Variants in ZNF709 observed in about 807,000 individuals in gnomAD.
ZNF709 encodes the protein zinc finger protein 709.
ZNF709 carries 15 observed loss-of-function variants against 10.6 expected under a neutral mutation model. The observed-to-expected ratio is 1.41, with a 90% CI of 0.95 to 2.18. The LOEUF is 2.18. Among genes scored for constraint, ZNF709 ranks in the 30% most tolerant of loss-of-function variants. The pLI, the probability that ZNF709 is intolerant of heterozygous loss-of-function variation, is 0.00. For missense variants in ZNF709, 589 were observed against 774.0 expected (o/e 0.76, Z 2.84); for synonymous variants, 194 against 238.8 (o/e 0.81, Z 1.73).
At chr19:12,473,215 G>T (rs1970649247) in intron 1 of ZNF709, among the ~76,000 whole-genome samples, 1 of 152,118 alleles carries the variant, frequency 6.6e-6, no homozygotes, top group Non-Finnish European at 1.5e-5. Flanking sequence ...AGCAAAAAAT[G>T]AACTGGAAAA....
At position 12,464,999 on chromosome 19, in the gene ZNF709, T is replaced by C. The variant is rs1970555496; in HGVS notation, c.923A>G (p.Tyr308Cys). The stretch of plus-strand genomic sequence containing the variant: ...GGCTTTCCCACATTTTTTACATTTA[T>C]AGGGTTTTTCTCCAGTGTGAATCCT... ...HERIHTGEKP[Y>C]KCKKCGKAFS... The change falls in exon 4 of 4, where the codon TAT becomes TGT. Residue 308 changes from tyrosine to cysteine, a missense_variant. Coordinates refer to ENST00000397732, the MANE Select transcript of ZNF709 (RefSeq NM_152601.4). The C allele has an allele frequency of 1.2e-6, 2 of 1,608,308 alleles. No homozygotes were observed. Among genetic ancestry groups the C allele is most frequent in the African/African-American group, 1.3e-5 (1 of 74,446 alleles).
At position 12,464,678 on chromosome 19, in the gene ZNF709, G is replaced by C. The variant is rs759457940; in HGVS notation, c.1244C>G (p.Thr415Ser). ...SSFRMHERTHTGEKPHECKQC... is the reference protein window; with the variant it reads ...SSFRMHERTHSGEKPHECKQC... ...TTTACATTCATGGGGTTTCTCTCCA[G>C]TGTGAGTTCTTTCATGCATTCGAAA... The change falls in exon 4 of 4, where the codon ACT becomes AGT. Residue 415 changes from threonine (T) to serine (S), a missense_variant. By Grantham distance (58) the Thr-to-Ser change is moderately conservative (BLOSUM62 1). Coordinates refer to ENST00000397732, the MANE Select transcript of ZNF709 (RefSeq NM_152601.4). 1 of 1,612,440 alleles carries C rather than the reference G, an allele frequency of 6.2e-7. No individual in the cohort carries two copies. The highest frequency in any genetic ancestry group is 2.2e-5 in the East Asian group (1 of 44,822).
chr19:12,481,242 T>C, intron 1 of ZNF709: 1 of 958,928 alleles, frequency 1.0e-6, no homozygotes, highest in Non-Finnish European at 1.2e-6. Flanking sequence ...TTCTTTTTTT[T>C]TGTTTTGAGA....
Position 12,461,778 on chromosome 19 carries a change from G to A in ZNF709, c.*2218C>T, listed in dbSNP as rs1230988614. The A allele has an allele frequency of 6.6e-6, 1 of 152,038 alleles. No homozygotes were observed. The highest frequency in any genetic ancestry group is 2.4e-5 in the African/African-American group (1 of 41,420). 9.4% of individuals were successfully genotyped at this position (152,038 alleles called of 1,614,324 possible). ...TGGAAAACTACATCTTTGAAAATAT[G>A]GCAGCTGGGGCCATGCACAGTGGCT... On this transcript the variant is annotated 3_prime_UTR_variant, in exon 4 of 4. Transcript: ENST00000397732.
At chr19:12,473,030 T>C (rs1970647204) in intron 1 of ZNF709, among the ~76,000 whole-genome samples, 1 of 152,170 alleles carries the variant, frequency 6.6e-6, no homozygotes, top group Non-Finnish European at 1.5e-5. Flanking sequence ...AATAGACAAA[T>C]AGTTATGCAT....
At chr19:12,477,317 A>G (rs1344072418) in intron 1 of ZNF709, among the ~76,000 whole-genome samples, 4 of 152,242 alleles carry the variant, frequency 2.6e-5, no homozygotes, top group South Asian at 2.1e-4. Context: ...TTGAGCCATC[A>G]TAACTAATTT....
At position 12,462,703 on chromosome 19, in the gene ZNF709, A is replaced by G. The variant is rs775553136; in HGVS notation, c.*1293T>C. ...AATGATATCTAGTACCTGCCACATA[A>G]GGCCAGTAGGAAATCCTAAAAATTA... On this transcript the variant is annotated 3_prime_UTR_variant, in exon 4 of 4. Transcript: ENST00000397732. 6.6e-6 allele frequency: 1 copy of G among 152,220 alleles called. No individual in the cohort carries two copies. The highest frequency in any genetic ancestry group is 1.5e-5 in the Non-Finnish European group (1 of 68,040). 9.4% of individuals were successfully genotyped at this position (152,220 alleles called of 1,614,324 possible).
In ZNF709 at chr19:12,483,328, T is replaced by TTTA. The variant is rs1555694552; in HGVS notation, c.3+1326_3+1327insTAA. On this transcript the variant is annotated intron_variant, in intron 1 of 3. Coordinates refer to ENST00000397732, the MANE Select transcript of ZNF709 (RefSeq NM_152601.4). ...GCTAATTTTTTTTTTTTTTTTTTTT[T>TTTA]TTTCTAGTAGAGATGAGGTCTCTCT... Among the ~76,000 whole-genome samples the TTTA allele has an allele frequency of 1.6e-3, 211 of 134,686 alleles. 2 individuals carry two copies. Among genetic ancestry groups the TTTA allele is most frequent in the South Asian group, 4.7e-3 (21 of 4,456 alleles). 88.4% of individuals were successfully genotyped at this position (134,686 alleles called of 152,430 possible).
intron 1 of ZNF709, among the ~76,000 whole-genome samples, chr19:12,474,850 A>G (rs1302735283): frequency 6.6e-6 from 1 of 152,226 alleles, no homozygotes; most frequent in African/African-American, 2.4e-5. Flanking sequence ...ATATTCTTAT[A>G]CATAATGGTG....
rs185767891 is a variant in ZNF709, at chr19:12,462,826, T to G, written c.*1170A>C. 1.3e-5 allele frequency: 2 copies of G among 152,326 alleles called. No individual in the cohort carries two copies. The highest frequency in any genetic ancestry group is 1.3e-4 in the Admixed American group (2 of 15,300). The allele number at this position is 152,326 out of a possible 1,614,324, so 9.4% of individuals were successfully genotyped here. On this transcript the variant is annotated 3_prime_UTR_variant, in exon 4 of 4. Transcript: ENST00000397732. ...TTATAAATACACTTCAATTCACTCA[T>G]GAATCTAACAGACTTCAATATGGAA...
intron 1 of ZNF709, among the ~76,000 whole-genome samples, chr19:12,478,041 C>T (rs1270648306): frequency 6.6e-6 from 1 of 152,146 alleles, no homozygotes; most frequent in African/African-American, 2.4e-5. Flanking sequence ...GCCCTATAAT[C>T]CTGAGGGTCA....
At chr19:12,468,010 G>T (rs978385920) in intron 1 of ZNF709, among the ~76,000 whole-genome samples, 1 of 146,286 alleles carries the variant, frequency 6.8e-6, no homozygotes, top group Non-Finnish European at 1.5e-5. Context: ...CAGCCGCCCC[G>T]TCCGGGAGGG....
In ZNF709 at chr19:12,473,903, G is replaced by C. The variant is rs572417625; in HGVS notation, c.4-7053C>G. Among the ~76,000 whole-genome samples, 135 of 152,284 alleles carry C rather than the reference G, an allele frequency of 8.9e-4. 1 individual carries two copies. The highest frequency in any genetic ancestry group is 1.7e-3 in the Non-Finnish European group (119 of 68,018). On this transcript the variant is annotated intron_variant, in intron 1 of 3. Coordinates refer to ENST00000397732, the MANE Select transcript of ZNF709 (RefSeq NM_152601.4). ...AGAAAAAAATGTAAAAATCTTAGGT[G>C]GGTGTGGTGGCATTTGCCTGTAGTC... is the stretch of plus-strand genomic sequence containing the variant.
chr19:12,478,213 G>A (rs932731831), intron 1 of ZNF709, among the ~76,000 whole-genome samples: 1 of 152,084 alleles, frequency 6.6e-6, no homozygotes, highest in Non-Finnish European at 1.5e-5. Context: ...TCTTTCCCAT[G>A]AGCACCTTGT....
At position 12,462,455 on chromosome 19, in the gene ZNF709, T is replaced by C. The variant is rs536060433; in HGVS notation, c.*1541A>G. 1.3e-5 allele frequency: 2 copies of C among 152,288 alleles called. No homozygotes were observed. The highest frequency in any genetic ancestry group is 1.3e-4 in the Admixed American group (2 of 15,302). 9.4% of individuals were successfully genotyped at this position (152,288 alleles called of 1,614,324 possible). A position where few individuals can be genotyped will look rare whatever the true frequency, so the allele number is the denominator to read the frequency against. ...AGGTTATATGGTTCTATCTCAGATC[T>C]CTCTTATTAATACAAAGTCTATTAT... On this transcript the variant is annotated 3_prime_UTR_variant, in exon 4 of 4. Coordinates refer to ENST00000397732, the MANE Select transcript of ZNF709 (RefSeq NM_152601.4).
intron 1 of ZNF709, among the ~76,000 whole-genome samples, chr19:12,482,559 G>C (rs1429901496): frequency 1.3e-5 from 2 of 152,076 alleles, no homozygotes; most frequent in African/African-American, 4.8e-5. Flanking sequence ...AGATCTCCTG[G>C]CCTTTACAGA....
rs1388453940 is a variant in ZNF709, at chr19:12,462,478, T to C, written c.*1518A>G. 2 of 152,222 alleles carry C rather than the reference T, an allele frequency of 1.3e-5. No individual in the cohort carries two copies. Among genetic ancestry groups the C allele is most frequent in the Non-Finnish European group, 2.9e-5 (2 of 68,056 alleles). 9.4% of individuals were successfully genotyped at this position (152,222 alleles called of 1,614,324 possible). The stretch of plus-strand genomic sequence containing the variant: ...TCTCTCTTATTAATACAAAGTCTAT[T>C]ATTCAAATCACAGCCAGAAGGAATT... On this transcript the variant is annotated 3_prime_UTR_variant, in exon 4 of 4. Transcript: ENST00000397732.
At chr19:12,473,710 G>A (rs1319058353) in intron 1 of ZNF709, among the ~76,000 whole-genome samples, 1 of 152,062 alleles carries the variant, frequency 6.6e-6, no homozygotes, top group Non-Finnish European at 1.5e-5. Flanking sequence ...CTATTTGTGT[G>A]TCTCTCTATG....
chr19:12,481,948 A>G (rs1970730839), intron 1 of ZNF709, among the ~76,000 whole-genome samples: 1 of 150,198 alleles, frequency 6.7e-6, no homozygotes, highest in Admixed American at 6.7e-5. Flanking sequence ...GGGGAAAGAA[A>G]GAAAGGAGGA....
Sources: allele counts gnomAD v4.1 joint callset (sites outside exome capture counted in the v4.1 genomes callset), GRCh38; gene constraint gnomAD v4.1.1; transcripts MANE v1.5; gene names NCBI Gene and HGNC (gene_info 2026-07-23, HGNC 2026-07-21).